The following AGPAT5 variants were observed in gnomAD, a reference collection of about 807,000 sequenced individuals.
The protein encoded by AGPAT5 is 1-acyl-sn-glycerol-3-phosphate acyltransferase epsilon.
A neutral mutation model predicts 45.6 loss-of-function variants in AGPAT5; 46 were observed. The ratio of observed to expected loss-of-function variants is 1.01; its 90% CI spans 0.80 to 1.29. The LOEUF (loss-of-function observed/expected upper bound fraction) is 1.29, where lower values mean the gene tolerates loss of function less well. Ranked by LOEUF, AGPAT5 falls within the 50% of genes most tolerant of loss-of-function variation. The pLI is 0.00. For missense variants in AGPAT5, 673 were observed against 450.7 expected (o/e 1.49, Z -4.47); for synonymous variants, 272 against 167.0 (o/e 1.63, Z -4.85).
At chr8:6,711,514 A>G (rs1159255472) in intron 1 of AGPAT5, among the ~76,000 whole-genome samples, 1 of 152,168 alleles carries the variant, frequency 6.6e-6, no homozygotes, top group African/African-American at 2.4e-5. Context: ...AAGCTTTTTT[A>G]TATTTCACGT....
chr8:6,740,878 G>T (rs1282936646), intron 4 of AGPAT5, among the ~76,000 whole-genome samples: 1 of 152,064 alleles, frequency 6.6e-6, no homozygotes, highest in Non-Finnish European at 1.5e-5. Flanking sequence ...TATTTGAAAA[G>T]ATTTGGTGTG....
chr8:6,724,576 C>G (rs954543012), intron 1 of AGPAT5, among the ~76,000 whole-genome samples: 3 of 152,176 alleles, frequency 2.0e-5, no homozygotes, highest in Non-Finnish European at 2.9e-5. Flanking sequence ...GAAGATATAT[C>G]TTATGAACAG....
At chr8:6,726,147 C>T (rs1800679170) in intron 2 of AGPAT5, among the ~76,000 whole-genome samples, 1 of 152,192 alleles carries the variant, frequency 6.6e-6, no homozygotes, top group African/African-American at 2.4e-5. Context: ...GCAAAACAGT[C>T]AACCAATGGT....
At chr8:6,747,921 A>G (rs1172661558) in intron 6 of AGPAT5, 93 bp downstream of exon 6, 2 of 1,344,284 alleles carry the variant, frequency 1.5e-6, no homozygotes, top group Non-Finnish European at 2.0e-6. Context: ...GGTTAAGTGT[A>G]CTTTTTTCCT....
intron 1 of AGPAT5, among the ~76,000 whole-genome samples, chr8:6,710,361 C>G (rs937057102): frequency 6.6e-6 from 1 of 152,050 alleles, no homozygotes; most frequent in African/African-American, 2.4e-5. Flanking sequence ...CTAATCATTC[C>G]CCCCACCGTC....
At chr8:6,735,981 G>A (rs555641628) in intron 4 of AGPAT5, among the ~76,000 whole-genome samples, 1 of 150,622 alleles carries the variant, frequency 6.6e-6, no homozygotes, top group South Asian at 2.1e-4. Context: ...AGCCTCCTGA[G>A]TAGCTGGGAT....
chr8:6,731,524 GTTATA>G (rs1186073923), intron 3 of AGPAT5, among the ~76,000 whole-genome samples: 1 of 151,752 alleles, frequency 6.6e-6, no homozygotes, highest in African/African-American at 2.4e-5. Flanking sequence ...TATTTTAATT[GTTATA>G]TTATTTTTAA....
intron 7 of AGPAT5, among the ~76,000 whole-genome samples, chr8:6,755,375 A>G (rs1026005821): frequency 1.3e-5 from 2 of 152,250 alleles, no homozygotes; most frequent in East Asian, 3.8e-4. Flanking sequence ...CAGTGGGCCC[A>G]TCTACTTGCA....
intron 1 of AGPAT5, among the ~76,000 whole-genome samples, chr8:6,722,273 C>A (rs1445600013): frequency 6.6e-6 from 1 of 152,144 alleles, no homozygotes; most frequent in Admixed American, 6.6e-5. Flanking sequence ...GAGAATTCTT[C>A]CTGTATCTGC....
In AGPAT5 at chr8:6,708,801, C is replaced by T. The variant is rs1800028382; in HGVS notation, c.133C>T (p.Arg45Cys). 2 of 1,610,810 alleles carry T rather than the reference C, an allele frequency of 1.2e-6. No homozygotes were observed. The highest frequency in any genetic ancestry group is 1.1e-5 in the South Asian group (1 of 90,946). ...GCTGCTCTCCGCCTTCCTGCCCGCCCGCTTCTACCAAGCGCTGGACGACCG... is the reference window on the plus strand; with the variant it reads ...GCTGCTCTCCGCCTTCCTGCCCGCCTGCTTCTACCAAGCGCTGGACGACCG... ...WRLLSAFLPA[R>C]FYQALDDRLY... The change falls in exon 1 of 8, where the codon CGC (arginine) becomes TGC (cysteine). Residue 45 changes from arginine (R) to cysteine (C), a missense_variant. By Grantham distance (180) the Arg-to-Cys change is radical. Transcript: ENST00000285518.
chr8:6,735,913 G>GGC (rs1009640182), intron 4 of AGPAT5, among the ~76,000 whole-genome samples: 1 of 139,028 alleles, frequency 7.2e-6, no homozygotes, highest in African/African-American at 2.7e-5. Context: ...GGAGTGCAGT[G>GGC]GCACGATCTT....
rs528335564 is a variant in AGPAT5, at chr8:6,723,785, C to T, written c.220-1085C>T. 1.2e-3 allele frequency among the ~76,000 whole-genome samples: 178 copies of T among 152,318 alleles called. 1 individual carries two copies. The highest frequency in any genetic ancestry group is 4.1e-3 in the African/African-American group (172 of 41,568). On this transcript the variant is annotated intron_variant, in intron 1 of 7. Coordinates refer to ENST00000285518, the MANE Select transcript of AGPAT5 (RefSeq NM_018361.5). The stretch of plus-strand genomic sequence containing the variant: ...TTTGTCACATCCCTGGCTTCCAGAA[C>T]TTTATGTTATCTAAGTGCATTTGTC...
intron 4 of AGPAT5, chr8:6,738,563 T>C (rs574992299): frequency 6.6e-6 from 1 of 152,202 alleles, no homozygotes; most frequent in African/African-American, 2.4e-5. Context: ...GAGCACATAC[T>C]GTTGGAAAAA....
intron 1 of AGPAT5, among the ~76,000 whole-genome samples, chr8:6,713,953 C>G (rs926232431): frequency 2.0e-4 from 30 of 152,168 alleles, no homozygotes; most frequent in African/African-American, 7.2e-4. Flanking sequence ...CAAACTAATC[C>G]TAAACTCCTA....
chr8:6,751,336 A>G (rs182277963), intron 6 of AGPAT5, among the ~76,000 whole-genome samples: 10 of 152,348 alleles, frequency 6.6e-5, no homozygotes, highest in Non-Finnish European at 8.8e-5. Flanking sequence ...TTGATATGCC[A>G]TGGCCCAGTG....
At chr8:6,734,869 T>G (rs974257609) in intron 4 of AGPAT5, among the ~76,000 whole-genome samples, 3 of 152,100 alleles carry the variant, frequency 2.0e-5, no homozygotes, top group Non-Finnish European at 4.4e-5. Flanking sequence ...CTCATTACTT[T>G]GTTTGTAGGT....
intron 1 of AGPAT5, among the ~76,000 whole-genome samples, chr8:6,714,468 C>G (rs868138391): frequency 2.6e-5 from 4 of 152,180 alleles, no homozygotes; most frequent in South Asian, 4.1e-4. Context: ...TATTTTTACA[C>G]TTTATAAATA....
Position 6,759,160 on chromosome 8 carries a change from A to G in AGPAT5, c.*1772A>G, listed in dbSNP as rs1264737213. 6.6e-6 allele frequency: 1 copy of G among 152,216 alleles called. No homozygotes were observed. Among genetic ancestry groups the G allele is most frequent in the East Asian group, 1.9e-4 (1 of 5,200 alleles). 9.4% of individuals were successfully genotyped at this position (152,216 alleles called of 1,614,324 possible). A position where few individuals can be genotyped will look rare whatever the true frequency, so the allele number is the denominator to read the frequency against. On this transcript the variant is annotated 3_prime_UTR_variant, in exon 8 of 8. Transcript: ENST00000285518. ...AATTGTAATTTTCTCTTACCTGTAA[A>G]GTAAAATTTAGATCAATTCCATGTC...
At chr8:6,743,406 C>G (rs191000916) in intron 5 of AGPAT5, among the ~76,000 whole-genome samples, 12 of 152,216 alleles carry the variant, frequency 7.9e-5, no homozygotes, top group African/African-American at 2.9e-4. Context: ...AAAAGGATGT[C>G]TCAAACTCAG....
Sources: gnomAD v4.1 joint callset for allele counts (sites outside exome capture counted in the v4.1 genomes callset) on GRCh38, gnomAD v4.1.1 for gene constraint, MANE v1.5 for transcripts, NCBI Gene and HGNC (gene_info 2026-07-23, HGNC 2026-07-21) for gene names.